The following PDGFD variants were observed in gnomAD, a reference collection of about 807,000 sequenced individuals.
PDGFD encodes the protein platelet derived growth factor D, also known as platelet-derived growth factor D.
In PDGFD, 30 loss-of-function variants were observed where a neutral mutation model predicts 44.7. The observed-to-expected ratio is 0.67, with a 90% confidence interval of 0.50 to 0.91. The LOEUF (loss-of-function observed/expected upper bound fraction) is 0.91, where lower values mean the gene tolerates loss of function less well. Ranked by LOEUF, PDGFD falls within the 40% of genes least tolerant of loss-of-function variation. The probability of loss-of-function intolerance (pLI) is 0.00; values close to 1 mark genes in which losing one functional copy is unlikely to be tolerated. For synonymous variants in PDGFD, 173 were observed against 168.4 expected (o/e 1.03, Z -0.21); for missense variants, 445 against 457.8 (o/e 0.97, Z 0.25).
chr11:104,118,700 CCTT>C (rs1861677137), intron 1 of PDGFD, among the ~76,000 whole-genome samples: 1 of 103,910 alleles, frequency 9.6e-6, no homozygotes, highest in Non-Finnish European at 1.9e-5. Context: ...CTCACCATCT[CCTT>C]AATTTATATA....
At chr11:104,011,084 C>A (rs2134374758) in intron 1 of PDGFD, among the ~76,000 whole-genome samples, 1 of 152,044 alleles carries the variant, frequency 6.6e-6, no homozygotes, top group Non-Finnish European at 1.5e-5. Context: ...TAAATATTGT[C>A]AATAATGAGG....
chr11:104,133,314 CA>C (rs1565344798), intron 1 of PDGFD, among the ~76,000 whole-genome samples: 1 of 152,116 alleles, frequency 6.6e-6, no homozygotes, highest in Non-Finnish European at 1.5e-5. Flanking sequence ...CAATTTTCAT[CA>C]AGAAGAGTTT....
At chr11:104,118,857 A>ATATTATAAATATTAATATATAATATATT (rs1565340230) in intron 1 of PDGFD, among the ~76,000 whole-genome samples, 1 of 65,246 alleles carries the variant, frequency 1.5e-5, no homozygotes, top group African/African-American at 6.0e-5. Context: ...TATATATTAT[A>ATATTATAAATATTAATATATAATATATT]ATATATTATA....
intron 1 of PDGFD, among the ~76,000 whole-genome samples, chr11:104,108,848 A>G (rs113312017): frequency 0.1 from 15,661 of 152,168 alleles, 950 homozygotes; most frequent in East Asian, 0.31. Flanking sequence ...TGGCACATAT[A>G]CACCATGGAA....
At chr11:104,119,851 A>G (rs1447688294) in intron 1 of PDGFD, among the ~76,000 whole-genome samples, 1 of 100,114 alleles carries the variant, frequency 1.0e-5, no homozygotes, top group Non-Finnish European at 1.9e-5. Flanking sequence ...TATATATTAT[A>G]TAATTATATT....
chr11:104,061,872 T>C (rs1335225041), intron 1 of PDGFD, among the ~76,000 whole-genome samples: 1 of 152,126 alleles, frequency 6.6e-6, no homozygotes, highest in African/African-American at 2.4e-5. Flanking sequence ...CCTCCCAAAA[T>C]GTTGAGATTA....
At chr11:104,120,311 T>C (rs921368492) in intron 1 of PDGFD, among the ~76,000 whole-genome samples, 4 of 151,884 alleles carry the variant, frequency 2.6e-5, no homozygotes, top group Non-Finnish European at 4.4e-5. Context: ...TTGTTTACCA[T>C]GCCACTGGAT....
intron 3 of PDGFD, among the ~76,000 whole-genome samples, chr11:103,967,938 G>A (rs990592620): frequency 6.6e-6 from 1 of 152,068 alleles, no homozygotes; most frequent in Non-Finnish European, 1.5e-5. Context: ...CTGCAATTTT[G>A]ATTACTCTTC....
At chr11:103,961,359 C>CA (rs1279701603) in intron 3 of PDGFD, among the ~76,000 whole-genome samples, 6 of 152,088 alleles carry the variant, frequency 3.9e-5, no homozygotes, top group African/African-American at 1.4e-4. Flanking sequence ...GGGCCATAAG[C>CA]AAAGCCCCAT....
At position 104,049,194 on chromosome 11, in the gene PDGFD, G is replaced by A. The variant is rs112582564; in HGVS notation, c.125-48939C>T. On this transcript the variant is annotated intron_variant, in intron 1 of 6. Coordinates refer to ENST00000393158, the MANE Select transcript of PDGFD (RefSeq NM_025208.5). Reference sequence around the variant, plus strand: ...ATAAAGCACTGTTCAGGAACATGGGGCAATGGAACGGGGATATAGTAGTTT... The same window carrying A: ...ATAAAGCACTGTTCAGGAACATGGGACAATGGAACGGGGATATAGTAGTTT... 2.4e-3 allele frequency among the ~76,000 whole-genome samples: 368 copies of A among 152,284 alleles called. 3 individuals carry two copies. The highest frequency in any genetic ancestry group is 8.5e-3 in the African/African-American group (353 of 41,554).
At chr11:104,092,385 G>C (rs561359323) in intron 1 of PDGFD, among the ~76,000 whole-genome samples, 1 of 152,118 alleles carries the variant, frequency 6.6e-6, no homozygotes, top group Non-Finnish European at 1.5e-5. Flanking sequence ...CAAAAGAAAC[G>C]TGTCTGTGAT....
intron 1 of PDGFD, among the ~76,000 whole-genome samples, chr11:104,112,551 G>C (rs1861574240): frequency 6.6e-6 from 1 of 151,984 alleles, no homozygotes. Flanking sequence ...AGATTCTTCT[G>C]TTATAAAGAC....
intron 5 of PDGFD, among the ~76,000 whole-genome samples, chr11:103,930,183 C>G (rs1470771158): frequency 6.6e-6 from 1 of 152,152 alleles, no homozygotes; most frequent in African/African-American, 2.4e-5. Flanking sequence ...TGGGAAGGCT[C>G]CCCTGTCCTC....
chr11:103,953,452 T>C (rs1858789124), intron 3 of PDGFD, among the ~76,000 whole-genome samples: 1 of 152,220 alleles, frequency 6.6e-6, no homozygotes, highest in South Asian at 2.1e-4. Flanking sequence ...TTGATATTGG[T>C]TAGCACTGAC....
intron 1 of PDGFD, among the ~76,000 whole-genome samples, chr11:104,017,350 T>C (rs1859874064): frequency 8.1e-6 from 1 of 124,002 alleles, no homozygotes; most frequent in African/African-American, 3.4e-5. Flanking sequence ...GTTTTTCCGT[T>C]TTTTTTGTTT....
intron 1 of PDGFD, chr11:104,038,012 A>G: frequency 1.9e-6 from 3 of 1,609,472 alleles, no homozygotes; most frequent in Non-Finnish European, 2.6e-6. Flanking sequence ...AAAGAGCATT[A>G]AAGCACGTTA....
At chr11:104,086,597 T>C (rs1861133682) in intron 1 of PDGFD, among the ~76,000 whole-genome samples, 2 of 152,238 alleles carry the variant, frequency 1.3e-5, no homozygotes, top group African/African-American at 4.8e-5. Context: ...ATGTTGCTGC[T>C]ACCTTAGTTA....
chr11:104,041,418 AAATCC>A (rs1362840868), intron 1 of PDGFD, among the ~76,000 whole-genome samples: 1 of 152,146 alleles, frequency 6.6e-6, no homozygotes, highest in Non-Finnish European at 1.5e-5. Flanking sequence ...GCTGCAACAA[AAATCC>A]TCCTCTTAAA....
intron 3 of PDGFD, among the ~76,000 whole-genome samples, chr11:103,965,299 A>G (rs1344427525): frequency 6.6e-6 from 1 of 152,180 alleles, no homozygotes; most frequent in African/African-American, 2.4e-5. Flanking sequence ...TTCCTTTTAC[A>G]TAATGGATTC....
Sources: gnomAD v4.1 joint callset for allele counts (sites outside exome capture counted in the v4.1 genomes callset) on GRCh38, gnomAD v4.1.1 for gene constraint, MANE v1.5 for transcripts, NCBI Gene and HGNC (gene_info 2026-07-23, HGNC 2026-07-21) for gene names.